Variants in CLDN14 observed in about 807,000 individuals in gnomAD.
CLDN14 encodes the protein claudin-14.
CLDN14 carries 2 observed loss-of-function variants against 2.1 expected under a neutral mutation model. The ratio of observed to expected loss-of-function variants is 0.96; its 90% confidence interval spans 0.39 to 3.01. The LOEUF (loss-of-function observed/expected upper bound fraction) is 3.01, where lower values mean the gene tolerates loss of function less well. Among genes scored for constraint, CLDN14 ranks in the 30% most tolerant of loss-of-function variants. CLDN14 has a pLI of 0.09. For missense variants in CLDN14, 298 were observed against 328.0 expected, an observed-to-expected ratio of 0.91 and a Z score of 0.71; for synonymous variants, 136 against 154.4, an observed-to-expected ratio of 0.88 and a Z score of 0.88.
intron 2 of CLDN14, chr21:36,487,362 T>C (rs219737): frequency 0.67 from 149,795 of 223,410 alleles, 53,536 homozygotes; most frequent in Non-Finnish European, 0.78. Context: ...GTCCTCATTC[T>C]GCACATACTC....
intron 1 of CLDN14, among the ~76,000 whole-genome samples, chr21:36,526,817 T>C (rs565733293): frequency 6.6e-6 from 1 of 152,268 alleles, no homozygotes; most frequent in African/African-American, 2.4e-5. Flanking sequence ...GCTCAATCCA[T>C]CTCATTACTG....
intron 1 of CLDN14, among the ~76,000 whole-genome samples, chr21:36,479,043 T>C (rs947781189): frequency 6.6e-6 from 1 of 152,182 alleles, no homozygotes; most frequent in Non-Finnish European, 1.5e-5. Context: ...AGCAGGAGAA[T>C]GTTCCCAAGT....
intron 1 of CLDN14, among the ~76,000 whole-genome samples, chr21:36,575,187 G>A (rs1176539869): frequency 6.6e-6 from 1 of 152,184 alleles, no homozygotes; most frequent in Non-Finnish European, 1.5e-5. Context: ...CCGTCATGCA[G>A]TGTGCAGGAC....
At position 36,499,634 on chromosome 21, in the gene CLDN14, C is replaced by G. The variant is rs1454533776; in HGVS notation, c.-82+10729G>C. ...AGGTTAGGAATCTGTGGTTTTATGT[C>G]AGCCCCTGTTCCAGTCCACGTGACT... On this transcript the variant is annotated intron_variant, in intron 2 of 2. Transcript: ENST00000342108. This position sits in a 1 kb window ranked among gnomAD's most constrained non-coding sequence, Gnocchi z 4.7. 1.3e-5 allele frequency among the ~76,000 whole-genome samples: 2 copies of G among 152,178 alleles called. No homozygotes were observed. Among genetic ancestry groups the G allele is most frequent in the Non-Finnish European group, 2.9e-5 (2 of 68,036 alleles).
intron 2 of CLDN14, chr21:36,486,445 G>A (rs1601604914): frequency 2.0e-6 from 3 of 1,482,840 alleles, no homozygotes; most frequent in Non-Finnish European, 2.8e-6. Flanking sequence ...GAAACCCGAG[G>A]GCCAAGGCCA....
chr21:36,461,698 T>C lies in CLDN14; in HGVS notation c.-3A>G. The C allele has an allele frequency of 6.5e-7, 1 of 1,549,190 alleles. No individual in the cohort carries two copies. Among genetic ancestry groups the C allele is most frequent in the Non-Finnish European group, 8.7e-7 (1 of 1,147,198 alleles). On this transcript the variant is annotated 5_prime_UTR_variant, in exon 2 of 2. Transcript: ENST00000399135. ...AGCTGCACGGCCGTGCTGGCCATGG[T>C]GCGGCTGCCTGCCTAGGCCAGCCGG... is the stretch of plus-strand genomic sequence containing the variant.
intron 2 of CLDN14, among the ~76,000 whole-genome samples, chr21:36,489,821 G>C (rs983450642): frequency 6.6e-6 from 1 of 152,160 alleles, no homozygotes; most frequent in Non-Finnish European, 1.5e-5. Context: ...AAGAAGATCC[G>C]GGCCTCACCT....
chr21:36,541,143 C>T (rs553035800), intron 1 of CLDN14, among the ~76,000 whole-genome samples: 3 of 152,232 alleles, frequency 2.0e-5, no homozygotes, highest in South Asian at 2.1e-4. Context: ...TTGATGTGGA[C>T]GGGCTGGTGG....
chr21:36,549,565 T>C (rs1280574002), intron 1 of CLDN14, among the ~76,000 whole-genome samples: 3 of 152,110 alleles, frequency 2.0e-5, no homozygotes, highest in Non-Finnish European at 2.9e-5. Context: ...CTAAAACATT[T>C]CCCAGAGGAA....
intron 2 of CLDN14, chr21:36,486,270 AG>A (rs772140284): frequency 2.4e-6 from 2 of 818,758 alleles, no homozygotes; most frequent in Admixed American, 3.6e-5. Flanking sequence ...CCTCTTCCTT[AG>A]GTCAGGAAGT....
chr21:36,533,301 G>A (rs1337190612), intron 1 of CLDN14, among the ~76,000 whole-genome samples: 2 of 152,132 alleles, frequency 1.3e-5, no homozygotes, highest in African/African-American at 4.8e-5. Context: ...TGGCCAGGAG[G>A]GTGCTCCCCA....
intron 1 of CLDN14, among the ~76,000 whole-genome samples, chr21:36,546,731 A>T (rs150645194): frequency 7.6e-4 from 116 of 152,336 alleles, no homozygotes; most frequent in African/African-American, 2.7e-3. Context: ...AATAATTTTC[A>T]ACTTACAGCC....
chr21:36,574,289 A>G (rs1342101516), intron 1 of CLDN14, among the ~76,000 whole-genome samples: 1 of 152,228 alleles, frequency 6.6e-6, no homozygotes, highest in Non-Finnish European at 1.5e-5. Flanking sequence ...ATGTCAAAGT[A>G]ATTCAATGGA....
rs202090664 is a variant in CLDN14 at position 36,529,521 on chromosome 21, T to C, written c.-219-19021A>G. ...CTCAAACTCCTGACCTCAAGTGATC[T>C]GCCAGAGGCCTCCCAAAGTGCTGGG... On this transcript the variant is annotated intron_variant, in intron 1 of 2. Transcript: ENST00000342108. Among the ~76,000 whole-genome samples, 7 of 152,130 alleles carry C rather than the reference T, an allele frequency of 4.6e-5. No homozygotes were observed. In the East Asian group the frequency reaches 1.4e-3, roughly 29 times the overall value.
chr21:36,539,369 GGAGT>G (rs1436615155), intron 1 of CLDN14, among the ~76,000 whole-genome samples: 84 of 139,392 alleles, frequency 6.0e-4, no homozygotes, highest in African/African-American at 2.1e-3. Flanking sequence ...GTGTATGTGC[GGAGT>G]GAGTGTGTGT....
intron 1 of CLDN14, among the ~76,000 whole-genome samples, chr21:36,470,548 A>G (rs1177779843): frequency 6.6e-6 from 1 of 152,218 alleles, no homozygotes; most frequent in African/African-American, 2.4e-5. Context: ...CTTAGTTTCA[A>G]GCTTCCAGCC....
chr21:36,543,217 C>T (rs1422394373), intron 1 of CLDN14, among the ~76,000 whole-genome samples: 1 of 152,238 alleles, frequency 6.6e-6, no homozygotes, highest in Non-Finnish European at 1.5e-5. Flanking sequence ...CCAACTTCTC[C>T]GTTCTCTCCT....
At chr21:36,475,259 G>A (rs371882344) in intron 1 of CLDN14, among the ~76,000 whole-genome samples, 5 of 152,330 alleles carry the variant, frequency 3.3e-5, no homozygotes, top group African/African-American at 9.6e-5. Flanking sequence ...AGGGAAATAT[G>A]CGTGCACACA....
chr21:36,489,736 AT>A (rs2086942435), intron 2 of CLDN14, among the ~76,000 whole-genome samples: 1 of 152,186 alleles, frequency 6.6e-6, no homozygotes, highest in Non-Finnish European at 1.5e-5. Flanking sequence ...ATAGACTGTT[AT>A]TTAGTCTTGC....
Sources: gnomAD v4.1 joint callset for allele counts (sites outside exome capture counted in the v4.1 genomes callset) on GRCh38, gnomAD v4.1.1 for gene constraint, Gnocchi (gnomAD v3.1) non-coding constraint, MANE v1.5 for transcripts, NCBI Gene and HGNC (gene_info 2026-07-23, HGNC 2026-07-21) for gene names.